ATG7: variants seen among roughly 807,000 people sequenced by gnomAD.
ATG7 encodes ubiquitin-like modifier-activating enzyme ATG7.
Under a neutral mutation model 82.4 loss-of-function variants are expected in ATG7, and 70 were observed. The observed-to-expected ratio is 0.85, with a 90% confidence interval of 0.70 to 1.04. The LOEUF (loss-of-function observed/expected upper bound fraction) is 1.04. ATG7 is among the 50% of genes least tolerant of loss of function. ATG7 has a pLI of 0.00. For missense variants in ATG7, 792 were observed against 864.3 expected (o/e 0.92, Z 1.05); for synonymous variants, 287 against 313.0 (o/e 0.92, Z 0.88).
intron 3 of ATG7, among the ~76,000 whole-genome samples, chr3:11,296,148 CTGAG>C (rs1945880801): frequency 6.6e-6 from 1 of 152,206 alleles, no homozygotes; most frequent in Non-Finnish European, 1.5e-5. Context: ...TTTTCTTTCT[CTGAG>C]TAACTTCTAA....
intron 9 of ATG7, among the ~76,000 whole-genome samples, chr3:11,320,740 G>T (rs1162802590): frequency 2.6e-5 from 4 of 152,256 alleles, no homozygotes; most frequent in Non-Finnish European, 5.9e-5. Context: ...TGCAATGGAA[G>T]GATGAATTCA....
the ATG7 span, chr3:11,564,948 A>G: frequency 3.1e-4 from 486 of 1,573,940 alleles, no homozygotes; most frequent in African/African-American, 5.7e-3. Flanking sequence ...GGTGGGGGCC[A>G]CAGCGCGCTC....
intron 20 of ATG7, among the ~76,000 whole-genome samples, chr3:11,436,821 T>G (rs971599211): frequency 6.6e-6 from 1 of 152,154 alleles, no homozygotes; most frequent in African/African-American, 2.4e-5. Context: ...AGGACACATA[T>G]TGTAGGATCT....
intron 3 of ATG7, among the ~76,000 whole-genome samples, chr3:11,295,204 A>G (rs973154443): frequency 2.6e-5 from 4 of 152,218 alleles, no homozygotes; most frequent in African/African-American, 7.2e-5. Flanking sequence ...TGCAAGCCAC[A>G]CTGAGGCAGT....
chr3:11,549,926 G>GGT (rs1310780067), intron 20 of ATG7, among the ~76,000 whole-genome samples: 4 of 152,128 alleles, frequency 2.6e-5, no homozygotes, highest in African/African-American at 9.7e-5. Context: ...TCTCCGAGGA[G>GGT]GTGGGGTGCA....
At chr3:11,314,350 A>C (rs1263247439) in intron 8 of ATG7, among the ~76,000 whole-genome samples, 1 of 152,158 alleles carries the variant, frequency 6.6e-6, no homozygotes, top group African/African-American at 2.4e-5. Context: ...CTGAATACTG[A>C]TGCCATCATT....
At chr3:11,362,954 A>C in intron 17 of ATG7, 26 bp downstream of exon 17, 1 of 1,596,946 alleles carries the variant, frequency 6.3e-7, no homozygotes, top group African/African-American at 1.3e-5. Context: ...GGAGATGAGT[A>C]TTTAAACAAA....
At chr3:11,511,449 G>A (rs990456432) in intron 20 of ATG7, among the ~76,000 whole-genome samples, 17 of 152,200 alleles carry the variant, frequency 1.1e-4, no homozygotes, top group South Asian at 4.1e-4. Context: ...TAAACACAGG[G>A]TGCTGATTGG....
intron 20 of ATG7, among the ~76,000 whole-genome samples, chr3:11,495,679 C>CT (rs11454754): frequency 0.87 from 131,779 of 152,176 alleles, 57,418 homozygotes; most frequent in East Asian, 1. Flanking sequence ...CTTTAAAACT[C>CT]CTGAAGCTGT....
At chr3:11,370,898 CTT>C (rs1409978263) in intron 18 of ATG7, among the ~76,000 whole-genome samples, 1 of 150,758 alleles carries the variant, frequency 6.6e-6, no homozygotes, top group African/African-American at 2.4e-5. Context: ...CTTTCTACCT[CTT>C]TGCTTTTCAG....
At chr3:11,507,879 T>C (rs968553423) in intron 20 of ATG7, among the ~76,000 whole-genome samples, 1 of 151,910 alleles carries the variant, frequency 6.6e-6, no homozygotes, top group Admixed American at 6.6e-5. Context: ...TTGGCCAACA[T>C]TAGTCACATG....
intron 20 of ATG7, among the ~76,000 whole-genome samples, chr3:11,476,805 A>T (rs756143341): frequency 7.1e-4 from 108 of 152,194 alleles, no homozygotes; most frequent in Non-Finnish European, 1.2e-3. Flanking sequence ...CTGAAAGAAC[A>T]TTTATGTTAA....
At chr3:11,477,204 G>T (rs1331725109) in intron 20 of ATG7, 4 of 1,288,472 alleles carry the variant, frequency 3.1e-6, no homozygotes, top group Non-Finnish European at 4.0e-6. Flanking sequence ...GAAGAATCAA[G>T]CACTTCTGTG....
At chr3:11,444,352 T>A (rs2084313567) in intron 20 of ATG7, among the ~76,000 whole-genome samples, 1 of 152,190 alleles carries the variant, frequency 6.6e-6, no homozygotes, top group African/African-American at 2.4e-5. Context: ...GATAATTTAA[T>A]GCCAACAGTT....
At chr3:11,366,647 G>T (rs2152821506) in intron 18 of ATG7, among the ~76,000 whole-genome samples, 1 of 152,268 alleles carries the variant, frequency 6.6e-6, no homozygotes, top group East Asian at 1.9e-4. Flanking sequence ...TCATGCCCCT[G>T]CACTGGTTTC....
At chr3:11,432,373 A>T (rs1315904647) in intron 20 of ATG7, among the ~76,000 whole-genome samples, 1 of 152,200 alleles carries the variant, frequency 6.6e-6, no homozygotes, top group Non-Finnish European at 1.5e-5. Context: ...AATTTTATTA[A>T]TCTCAAGTTA....
intron 1 of ATG7, chr3:11,272,724 GA>G (rs1444021180): frequency 6.6e-6 from 1 of 152,280 alleles, no homozygotes; most frequent in East Asian, 1.9e-4. Context: ...GCAGTGCTCA[GA>G]ATCTTCAGTG....
At position 11,417,848 on chromosome 3, in the gene ATG7, A is replaced by G. The variant is rs189524413; in HGVS notation, c.1957-8956A>G. On this transcript the variant is annotated intron_variant, in intron 19 of 20. Coordinates refer to ENST00000693202, the MANE Select transcript of ATG7 (RefSeq NM_001349232.2). Reference sequence around the variant, plus strand: ...TTTTTTTGAGACAGAGTCTTGCTCTATCACCCAGGCTGGAGTGCAGTGGTG... The same window carrying G: ...TTTTTTTGAGACAGAGTCTTGCTCTGTCACCCAGGCTGGAGTGCAGTGGTG... Among the ~76,000 whole-genome samples, 271 of 135,932 alleles carry G rather than the reference A, an allele frequency of 2.0e-3. 4 individuals are homozygous for G. The East Asian group carries it at 0.048, about 24-fold the overall frequency. 89.2% of individuals were successfully genotyped at this position (135,932 alleles called of 152,430 possible). A position where few individuals can be genotyped will look rare whatever the true frequency, so the allele number is the denominator to read the frequency against.
At chr3:11,526,701 CTTG>C (rs1349661435) in intron 20 of ATG7, among the ~76,000 whole-genome samples, 1 of 152,090 alleles carries the variant, frequency 6.6e-6, no homozygotes, top group Non-Finnish European at 1.5e-5. Flanking sequence ...AGTTTATACT[CTTG>C]TTGTCTGTGT....
Sources: gnomAD v4.1 joint callset for allele counts (sites outside exome capture counted in the v4.1 genomes callset) on GRCh38, gnomAD v4.1.1 for gene constraint, MANE v1.5 for transcripts, NCBI Gene and HGNC (gene_info 2026-07-23, HGNC 2026-07-21) for gene names.